The following IGHMBP2 variants were observed in gnomAD, a reference collection of about 807,000 sequenced individuals.
IGHMBP2 encodes DNA-binding protein SMUBP-2.
A neutral mutation model predicts 96.0 loss-of-function variants in IGHMBP2; 81 were observed. That is an observed-to-expected ratio of 0.84 (90% CI 0.71 to 1.01). The LOEUF is 1.01. Among genes scored for constraint, IGHMBP2 ranks in the 50% least tolerant of loss-of-function variants. IGHMBP2 has a pLI of 0.00. For missense variants in IGHMBP2, 1,227 were observed against 1,306.3 expected, an observed-to-expected ratio of 0.94 and a Z score of 0.94; for synonymous variants, 557 against 548.9, an observed-to-expected ratio of 1.01 and a Z score of -0.21.
At position 68,936,578 on chromosome 11, in the gene IGHMBP2, A is replaced by T. The variant is rs1859538313; in HGVS notation, c.2098A>T (p.Lys700Ter). 1 of 1,611,982 alleles carries T rather than the reference A, an allele frequency of 6.2e-7. No individual in the cohort carries two copies. The highest frequency in any genetic ancestry group is 1.3e-5 in the African/African-American group (1 of 74,944). The change falls in exon 13 of 15, where the codon AAG becomes TAG. Residue 700 changes from lysine to a stop codon, truncating the protein, a stop_gained. Coordinates refer to ENST00000255078, the MANE Select transcript of IGHMBP2 (RefSeq NM_002180.3). LOFTEE classifies it high-confidence loss of function. ...ARQGRKKPAG[K>*]SLASEAPSQP... ...ACAGGGCCGGAAGAAGCCGGCTGGGAAGTCTCTGGCCTCTGAAGCTCCATC... is the reference window on the plus strand; with the variant it reads ...ACAGGGCCGGAAGAAGCCGGCTGGGTAGTCTCTGGCCTCTGAAGCTCCATC...
intron 7 of IGHMBP2, among the ~76,000 whole-genome samples, 160 bp downstream of exon 7, chr11:68,918,043 A>G (rs1053870025): frequency 2.6e-5 from 4 of 152,188 alleles, no homozygotes; most frequent in African/African-American, 9.7e-5. Context: ...AGTTTTCTTC[A>G]TGGAGAGGTT....
At chr11:68,931,048 C>T (rs1422525418) in intron 8 of IGHMBP2, among the ~76,000 whole-genome samples, 1 of 152,210 alleles carries the variant, frequency 6.6e-6, no homozygotes, top group African/African-American at 2.4e-5. Context: ...CTCTGGTCCA[C>T]AGGACTGGCA....
At chr11:68,907,754 C>G (rs1427507254) in intron 2 of IGHMBP2, among the ~76,000 whole-genome samples, 3 of 152,008 alleles carry the variant, frequency 2.0e-5, no homozygotes, top group Admixed American at 6.6e-5. Flanking sequence ...TGGAGTCTCA[C>G]TCTGTCGCTC....
chr11:68,907,062 C>T (rs1858231382), intron 2 of IGHMBP2, among the ~76,000 whole-genome samples: 2 of 152,002 alleles, frequency 1.3e-5, no homozygotes, highest in South Asian at 4.1e-4. Context: ...GAGTTCGAGA[C>T]CAGCCTGGGC....
chr11:68,931,892 G>A (rs994414023), intron 8 of IGHMBP2, among the ~76,000 whole-genome samples: 4 of 152,070 alleles, frequency 2.6e-5, no homozygotes, highest in Admixed American at 2.6e-4. Flanking sequence ...GGGGGAAGAC[G>A]TTGGGTGGCG....
At chr11:68,925,102 T>A (rs1859014832) in intron 7 of IGHMBP2, among the ~76,000 whole-genome samples, 1 of 151,524 alleles carries the variant, frequency 6.6e-6, no homozygotes, top group Non-Finnish European at 1.5e-5. Flanking sequence ...TGCCACAACC[T>A]CTCAGCTGGT....
intron 1 of IGHMBP2, among the ~76,000 whole-genome samples, chr11:68,905,268 C>T (rs1202620004): frequency 6.6e-6 from 1 of 152,226 alleles, no homozygotes; most frequent in East Asian, 1.9e-4. Flanking sequence ...TGCTTTTGAT[C>T]ATGGCAATGG....
In IGHMBP2 at chr11:68,933,430, T is replaced by C; in HGVS notation, c.1367T>C (p.Met456Thr). ...QAIMRWASDTMYLGQLTAHSS... is the reference protein window; with the variant it reads ...QAIMRWASDTTYLGQLTAHSS... ...ATCATGCGCTGGGCCTCAGACACCATGTACCTTGGGCAGCTCACAGCCCAC... is the reference window on the plus strand; with the variant it reads ...ATCATGCGCTGGGCCTCAGACACCACGTACCTTGGGCAGCTCACAGCCCAC... The change falls in exon 9 of 15, where the codon ATG (methionine) becomes ACG (threonine). Residue 456 changes from methionine (M) to threonine (T), a missense_variant. Met to Thr is a moderately conservative substitution (Grantham distance 81). Around this residue, in one of 3 missense-constraint regions of IGHMBP2, gnomAD observed 703 missense variants for 770.3 expected, o/e 0.91. Coordinates refer to ENST00000255078, the MANE Select transcript of IGHMBP2 (RefSeq NM_002180.3). 11 of 1,613,346 alleles carry C rather than the reference T, an allele frequency of 6.8e-6. No individual in the cohort carries two copies. The highest frequency in any genetic ancestry group is 9.3e-6 in the Non-Finnish European group (11 of 1,179,944).
intron 7 of IGHMBP2, among the ~76,000 whole-genome samples, chr11:68,919,346 G>A (rs1356441363): frequency 6.6e-6 from 1 of 152,068 alleles, no homozygotes; most frequent in Non-Finnish European, 1.5e-5. Context: ...TGTTGCCCAG[G>A]CTGGACTCAA....
chr11:68,916,469 G>A (rs145559123), intron 6 of IGHMBP2, among the ~76,000 whole-genome samples: 80 of 152,206 alleles, frequency 5.3e-4, no homozygotes, highest in African/African-American at 1.8e-3. Context: ...CTGTGCTCAC[G>A]TCCTGTCCTG....
At chr11:68,911,416 C>T (rs1858428359) in intron 4 of IGHMBP2, 24 bp from the exon 5 acceptor site, 3 of 1,611,840 alleles carry the variant, frequency 1.9e-6, no homozygotes, top group South Asian at 1.1e-5. Context: ...GCACCTGAGC[C>T]TCACGCTGCT....
At chr11:68,906,040 C>T (rs1858176614) in intron 1 of IGHMBP2, 29 bp from the exon 2 acceptor site, 1 of 1,611,136 alleles carries the variant, frequency 6.2e-7, no homozygotes, top group African/African-American at 1.3e-5. Context: ...AGTAAAAATC[C>T]TGAAGCATCA....
At chr11:68,924,698 G>A (rs576391272) in intron 7 of IGHMBP2, among the ~76,000 whole-genome samples, 2 of 152,306 alleles carry the variant, frequency 1.3e-5, no homozygotes, top group African/African-American at 2.4e-5. Context: ...ATGGGTTATC[G>A]TCTTATGTAA....
At chr11:68,921,449 A>G (rs1287689255) in intron 7 of IGHMBP2, among the ~76,000 whole-genome samples, 1 of 152,064 alleles carries the variant, frequency 6.6e-6, no homozygotes. Context: ...TGATTCTTTC[A>G]GTGGTTACTT....
At chr11:68,929,386 C>G (rs1272333787) in intron 8 of IGHMBP2, 29 bp downstream of exon 8, 1 of 1,599,480 alleles carries the variant, frequency 6.3e-7, no homozygotes, top group Non-Finnish European at 8.5e-7. Flanking sequence ...ACATGCCCTT[C>G]TCTGCCCCCG....
Position 68,908,386 on chromosome 11 carries a change from G to C in IGHMBP2, c.449+49G>C, listed in dbSNP as rs768991693. 9.6e-6 allele frequency: 15 copies of C among 1,562,694 alleles called. 1 individual carries two copies. In the South Asian group the frequency reaches 1.2e-4, roughly 13 times the overall value. On this transcript the variant is annotated intron_variant, in intron 3 of 14. Transcript: ENST00000255078. ...CTAAGTACCATCTTCCTTCAACACA[G>C]CTAATCCATTCTTACATGCCTGTCG... is the stretch of plus-strand genomic sequence containing the variant.
rs778821393 is a variant in IGHMBP2, at chr11:68,939,587, G to A, written c.2838G>A (p.Arg946=). Residue 946 remains arginine (R), a synonymous_variant, in exon 15 of 15, where the codon CGG becomes CGA. Transcript: ENST00000255078. ...ARAHARQRIS[R]EGVLYAGSGT... is the part of the protein sequence containing the mutation. ...CCCATGCCCGGCAGAGAATCAGCCG[G>A]GAAGGGGTCCTCTATGCCGGCAGCG... 6 of 1,613,248 alleles carry A rather than the reference G, an allele frequency of 3.7e-6. No homozygotes were observed. In the East Asian group the frequency reaches 1.1e-4, roughly 30 times the overall value.
At chr11:68,936,155 G>T in intron 12 of IGHMBP2, 82 bp from the exon 13 acceptor site, 1 of 1,524,122 alleles carries the variant, frequency 6.6e-7, no homozygotes, top group African/African-American at 1.4e-5. Flanking sequence ...ACTTTTGGTG[G>T]TGGTTACTGA....
intron 7 of IGHMBP2, among the ~76,000 whole-genome samples, chr11:68,925,320 TG>T (rs1859025923): frequency 6.6e-6 from 1 of 151,912 alleles, no homozygotes; most frequent in East Asian, 1.9e-4. Context: ...TAATTTTTTT[TG>T]TATATTTTGT....
Sources: gnomAD v4.1 joint callset for allele counts (sites outside exome capture counted in the v4.1 genomes callset) on GRCh38, gnomAD v4.1.1 for gene constraint, gnomAD v4.1.1 regional missense constraint, MANE v1.5 for transcripts, NCBI Gene and HGNC (gene_info 2026-07-23, HGNC 2026-07-21) for gene names.